MXD1: variants seen among roughly 807,000 people sequenced by gnomAD.
MXD1 encodes MAX-binding protein.
MXD1 carries 9 observed loss-of-function variants against 25.7 expected under a neutral mutation model. That is an observed-to-expected ratio of 0.35 (90% CI 0.21 to 0.61). The LOEUF is 0.61. MXD1 is among the 20% of genes least tolerant of loss of function. The pLI is 0.75. For synonymous variants in MXD1, 99 were observed against 113.9 expected, an observed-to-expected ratio of 0.87 and a Z score of 0.83; for missense variants, 227 against 292.4, an observed-to-expected ratio of 0.78 and a Z score of 1.63.
In MXD1 at chr2:69,921,806, T is replaced by C. The variant is rs757989873; in HGVS notation, c.203+41T>C. On this transcript the variant is annotated intron_variant, in intron 3 of 5. Transcript: ENST00000264444. ...GGGAGGTGGAATGCGGGGAGCTTTG[T>C]TGCATTCTCTGTTCATGCAGTTCAA... 9 of 1,604,856 alleles carry C rather than the reference T, an allele frequency of 5.6e-6. No individual in the cohort carries two copies. The South Asian group carries it at 8.9e-5, about 16-fold the overall frequency.
At chr2:69,935,324 A>G (rs78153488) in intron 3 of MXD1, 27 bp from the exon 4 acceptor site, 1 of 1,551,580 alleles carries the variant, frequency 6.4e-7, no homozygotes, top group South Asian at 1.1e-5. Flanking sequence ...GAAACTCTCA[A>G]ATGCTACTGT....
intron 3 of MXD1, among the ~76,000 whole-genome samples, chr2:69,924,263 G>A (rs1444511115): frequency 2.0e-5 from 3 of 152,192 alleles, no homozygotes; most frequent in Non-Finnish European, 4.4e-5. Flanking sequence ...AAAACTGAAC[G>A]TGAAGTCACC....
intron 3 of MXD1, among the ~76,000 whole-genome samples, chr2:69,923,966 CT>C (rs1344401319): frequency 6.6e-6 from 1 of 152,204 alleles, no homozygotes; most frequent in Non-Finnish European, 1.5e-5. Context: ...CACATAAAGA[CT>C]TACTAAAACT....
chr2:69,935,593 C>T, intron 4 of MXD1, 128 bp downstream of exon 4: 1 of 667,664 alleles, frequency 1.5e-6, no homozygotes, highest in East Asian at 2.8e-5. Context: ...TCACAGGTAC[C>T]TCAAATGCAA....
At chr2:69,935,303 T>G in intron 3 of MXD1, 48 bp from the exon 4 acceptor site, 6 of 1,384,454 alleles carry the variant, frequency 4.3e-6, no homozygotes, top group Non-Finnish European at 6.2e-6. Flanking sequence ...GGGGTGCTTC[T>G]GGCCCACTGT....
At chr2:69,929,851 T>C (rs1446849265) in intron 3 of MXD1, among the ~76,000 whole-genome samples, 1 of 152,220 alleles carries the variant, frequency 6.6e-6, no homozygotes, top group Non-Finnish European at 1.5e-5. Context: ...ATTTCTATCC[T>C]ATTCATTTGA....
chr2:69,928,110 C>T (rs966533470), intron 3 of MXD1, among the ~76,000 whole-genome samples: 3 of 152,070 alleles, frequency 2.0e-5, no homozygotes, highest in African/African-American at 4.8e-5. Flanking sequence ...TTCCTTCTTA[C>T]TCTATACTAA....
intron 2 of MXD1, among the ~76,000 whole-genome samples, chr2:69,919,091 C>T (rs1250922926): frequency 6.6e-6 from 1 of 152,152 alleles, no homozygotes; most frequent in African/African-American, 2.4e-5. Flanking sequence ...AGAAGTTGTG[C>T]TTCCTATGGA....
At chr2:69,937,555 CCTG>C (rs1677482725) in intron 5 of MXD1, among the ~76,000 whole-genome samples, 161 bp downstream of exon 5, 1 of 152,188 alleles carries the variant, frequency 6.6e-6, no homozygotes, top group South Asian at 2.1e-4. Flanking sequence ...GTTCCTTCTC[CCTG>C]CTAACACTTA....
chr2:69,918,716 AG>A (rs1677005240), intron 2 of MXD1, among the ~76,000 whole-genome samples: 1 of 152,112 alleles, frequency 6.6e-6, no homozygotes, highest in African/African-American at 2.4e-5. Context: ...AATTTGGCTT[AG>A]TTTTTTTTTA....
intron 4 of MXD1, among the ~76,000 whole-genome samples, chr2:69,936,779 C>T (rs1178125059): frequency 1.3e-5 from 2 of 152,120 alleles, no homozygotes; most frequent in African/African-American, 4.8e-5. Context: ...TTTGGCATGA[C>T]ACAAAAAAGT....
intron 5 of MXD1, 113 bp downstream of exon 5, chr2:69,937,507 G>T: frequency 2.8e-6 from 3 of 1,072,046 alleles, no homozygotes; most frequent in Non-Finnish European, 2.6e-6. Flanking sequence ...CACTGGGTAT[G>T]ATGTAGAGAA....
chr2:69,937,438 A>C (rs1433263864), intron 5 of MXD1, 44 bp downstream of exon 5: 2 of 1,508,516 alleles, frequency 1.3e-6, no homozygotes, highest in East Asian at 4.7e-5. Context: ...TGTGCTCCCC[A>C]ACCCCAGAGC....
chr2:69,935,513 G>T (rs989007826), intron 4 of MXD1, 48 bp downstream of exon 4: 1 of 1,331,274 alleles, frequency 7.5e-7, no homozygotes. Flanking sequence ...GTTCAGTGAG[G>T]GTTTGTCTGT....
At chr2:69,916,249 T>C in intron 2 of MXD1, 29 bp downstream of exon 2, 1 of 1,353,728 alleles carries the variant, frequency 7.4e-7, no homozygotes, top group Non-Finnish European at 1.1e-6. Context: ...CTTTCTGTCT[T>C]TTAGATTATA....
chr2:69,925,562 A>T (rs1031095533), intron 3 of MXD1, among the ~76,000 whole-genome samples: 20 of 152,140 alleles, frequency 1.3e-4, no homozygotes, highest in Non-Finnish European at 2.1e-4. Context: ...ACTTTTTTTT[A>T]ACCAACATGG....
At chr2:69,926,159 A>G (rs924551939) in intron 3 of MXD1, among the ~76,000 whole-genome samples, 4 of 152,176 alleles carry the variant, frequency 2.6e-5, no homozygotes, top group Non-Finnish European at 5.9e-5. Context: ...CACTTTTTCT[A>G]TCACATAACT....
In MXD1 at chr2:69,916,191, C is replaced by A; in HGVS notation, c.144C>A (p.Asn48Lys). 1 of 1,611,084 alleles carries A rather than the reference C, an allele frequency of 6.2e-7. No individual in the cohort carries two copies. Among genetic ancestry groups the A allele is most frequent in the Non-Finnish European group, 8.5e-7 (1 of 1,177,570 alleles). The stretch of plus-strand genomic sequence containing the variant: ...ACAGAGATGCCTTAAAACGGAGGAA[C>A]AAATCCAAAAAGAATAACAGCAGTA... ...NKDRDALKRR[N>K]KSKKNNSSSR... Residue 48 changes from asparagine to lysine, a missense_variant, in exon 2 of 6, where the codon AAC (asparagine) becomes AAA (lysine). Asn to Lys is a moderately conservative substitution (Grantham distance 94). Coordinates refer to ENST00000264444, the MANE Select transcript of MXD1 (RefSeq NM_002357.4).
chr2:69,938,295 A>G lies in MXD1; in HGVS notation c.*11A>G, dbSNP rs1677507925. 2 of 1,612,894 alleles carry G rather than the reference A, an allele frequency of 1.2e-6. No individual in the cohort carries two copies. The highest frequency in any genetic ancestry group is 2.2e-5 in the East Asian group (1 of 44,852). ...TGTCTTGGTCTCTAAGAGAGTGGGC[A>G]CTGCGGCTGTCTCCTTGAAGGTTCT... On this transcript the variant is annotated 3_prime_UTR_variant, in exon 6 of 6. Transcript: ENST00000264444.
Sources: gnomAD v4.1 joint callset for allele counts (sites outside exome capture counted in the v4.1 genomes callset) on GRCh38, gnomAD v4.1.1 for gene constraint, MANE v1.5 for transcripts, NCBI Gene and HGNC (gene_info 2026-07-23, HGNC 2026-07-21) for gene names.